The following ITPR1 variants were observed in gnomAD, a reference collection of about 807,000 sequenced individuals.
The protein encoded by ITPR1 is inositol 1,4,5-trisphosphate-gated calcium channel ITPR1.
Under a neutral mutation model 318.4 loss-of-function variants are expected in ITPR1, and 96 were observed. That is an observed-to-expected ratio of 0.30 (90% CI 0.26 to 0.36). ITPR1 has a LOEUF of 0.36. Among genes scored for constraint, ITPR1 ranks in the 10% least tolerant of loss-of-function variants. The pLI, the probability that ITPR1 is intolerant of heterozygous loss-of-function variation, is 1.00. For synonymous variants in ITPR1, 1,312 were observed against 1,289.9 expected, an observed-to-expected ratio of 1.02 and a Z score of -0.37; for missense variants, 2,440 against 3,460.2, an observed-to-expected ratio of 0.71 and a Z score of 7.40.
chr3:4,510,656 C>G (rs1366795486), intron 2 of ITPR1, among the ~76,000 whole-genome samples: 3 of 152,186 alleles, frequency 2.0e-5, no homozygotes, highest in African/African-American at 7.2e-5. Context: ...ACACAGATCT[C>G]TAGAATACAG....
rs574141682 is a variant in ITPR1 at position 4,672,701 on chromosome 3, A to G, written c.2205-435A>G. 7.9e-4 allele frequency among the ~76,000 whole-genome samples: 120 copies of G among 152,354 alleles called. No individual in the cohort carries two copies. In the Middle Eastern group the frequency reaches 0.01, roughly 13 times the overall value. ...CATGATATAAGATCTTTAAAATGTT[A>G]TAAAATTTCTAATTAGGCTGAATAT... On this transcript the variant is annotated intron_variant, in intron 20 of 61. Transcript: ENST00000649015.
intron 39 of ITPR1, among the ~76,000 whole-genome samples, chr3:4,714,682 T>G (rs1233930107): frequency 6.6e-6 from 1 of 152,208 alleles, no homozygotes; most frequent in Admixed American, 6.5e-5. Flanking sequence ...TAAGCGATAA[T>G]CCTTAAAGAT....
In ITPR1 at chr3:4,788,643, G is replaced by A. The variant is rs536207301; in HGVS notation, c.6808+504G>A. ...ATAAGGTGCATCATTGCTCACCAGC[G>A]AGTCCCATTGAGTATCCCAGCCAGT... On this transcript the variant is annotated intron_variant, in intron 52 of 61. Coordinates refer to ENST00000649015, the MANE Select transcript of ITPR1 (RefSeq NM_001378452.1). Among the ~76,000 whole-genome samples, 254 of 152,320 alleles carry A rather than the reference G, an allele frequency of 1.7e-3. 1 individual carries two copies. The highest frequency in any genetic ancestry group is 2.7e-3 in the Non-Finnish European group (183 of 68,022).
rs567890154 is a variant in ITPR1, at chr3:4,542,860, C to T, written c.163+21766C>T. On this transcript the variant is annotated intron_variant, in intron 4 of 61. Transcript: ENST00000649015. ...GACATACCTTCCAGGGGTCTTGTTT[C>T]CACTTCATTGCGGGCTTCTCTGGAT... 2.0e-5 allele frequency among the ~76,000 whole-genome samples: 3 copies of T among 152,188 alleles called. No homozygotes were observed. The South Asian group carries it at 6.2e-4, about 32-fold the overall frequency.
chr3:4,516,793 T>G (rs1238495241), intron 3 of ITPR1, among the ~76,000 whole-genome samples: 1 of 152,252 alleles, frequency 6.6e-6, no homozygotes, highest in African/African-American at 2.4e-5. Flanking sequence ...GAGCAAAACC[T>G]CATTATTTAG....
intron 52 of ITPR1, 25 bp downstream of exon 52, chr3:4,788,164 A>G: frequency 6.5e-7 from 1 of 1,545,812 alleles, no homozygotes; most frequent in East Asian, 2.3e-5. Flanking sequence ...ATCAGCAACA[A>G]CACAGAGAGA....
At chr3:4,618,526 T>C (rs977144614) in intron 4 of ITPR1, among the ~76,000 whole-genome samples, 1 of 152,248 alleles carries the variant, frequency 6.6e-6, no homozygotes, top group Non-Finnish European at 1.5e-5. Flanking sequence ...GTAAATATTG[T>C]TCGCTAATGA....
chr3:4,677,736 G>A (rs1361425116), intron 24 of ITPR1, among the ~76,000 whole-genome samples: 1 of 152,128 alleles, frequency 6.6e-6, no homozygotes, highest in Non-Finnish European at 1.5e-5. Context: ...TTTTTTAAGT[G>A]GGTGGGTTAT....
At chr3:4,533,224 A>G (rs1270986237) in intron 4 of ITPR1, among the ~76,000 whole-genome samples, 2 of 152,222 alleles carry the variant, frequency 1.3e-5, no homozygotes, top group African/African-American at 4.8e-5. Flanking sequence ...AAATGAACAA[A>G]TAGAAAAAAA....
At chr3:4,553,000 A>G (rs2085724147) in intron 4 of ITPR1, among the ~76,000 whole-genome samples, 1 of 152,116 alleles carries the variant, frequency 6.6e-6, no homozygotes, top group Admixed American at 6.6e-5. Context: ...TTTCTCGTTG[A>G]CCCCAGCATC....
intron 4 of ITPR1, among the ~76,000 whole-genome samples, chr3:4,560,258 T>A (rs898153180): frequency 1.3e-5 from 2 of 152,188 alleles, no homozygotes; most frequent in Non-Finnish European, 2.9e-5. Flanking sequence ...TGTAGGCTAC[T>A]TTTTCTTATA....
chr3:4,640,734 CT>C (rs2093318230), intron 6 of ITPR1, among the ~76,000 whole-genome samples: 1 of 152,212 alleles, frequency 6.6e-6, no homozygotes, highest in African/African-American at 2.4e-5. Context: ...GGCATCTGCT[CT>C]TTAGGATGGT....
chr3:4,755,430 G>T (rs867966714), intron 44 of ITPR1, among the ~76,000 whole-genome samples: 9 of 150,554 alleles, frequency 6.0e-5, no homozygotes, highest in African/African-American at 1.7e-4. Flanking sequence ...TTAGACATGG[G>T]GTCTTGCTAT....
intron 4 of ITPR1, among the ~76,000 whole-genome samples, chr3:4,529,553 T>A (rs1210899961): frequency 1.3e-5 from 2 of 152,232 alleles, no homozygotes; most frequent in African/African-American, 4.8e-5. Flanking sequence ...TTTTCCTTTC[T>A]TGTTTGACAT....
At position 4,686,127 on chromosome 3, in the gene ITPR1, G is replaced by A. The variant is rs375799715; in HGVS notation, c.3702+921G>A. On this transcript the variant is annotated intron_variant, in intron 30 of 61. Coordinates refer to ENST00000649015, the MANE Select transcript of ITPR1 (RefSeq NM_001378452.1). ...CTATCTTTAGCCCCATTTTAGATGA[G>A]AGAGCTGCAGCGGGAGAGGTTCAGT... Among the ~76,000 whole-genome samples, 53 of 152,296 alleles carry A rather than the reference G, an allele frequency of 3.5e-4. 2 individuals are homozygous for A. The East Asian group carries it at 4.4e-3, about 13-fold the overall frequency.
intron 46 of ITPR1, among the ~76,000 whole-genome samples, chr3:4,773,919 T>C (rs975933827): frequency 6.6e-6 from 1 of 152,212 alleles, no homozygotes; most frequent in Admixed American, 6.5e-5. Flanking sequence ...TGGTGATGAG[T>C]CAAGCACTGA....
intron 54 of ITPR1, among the ~76,000 whole-genome samples, chr3:4,802,040 C>T (rs777756173): frequency 3.3e-5 from 5 of 152,144 alleles, no homozygotes; most frequent in Non-Finnish European, 5.9e-5. Flanking sequence ...TCCCCCAGGT[C>T]AGCATTCCCA....
At position 4,622,315 on chromosome 3, in the gene ITPR1, A is replaced by G. The variant is rs569018919; in HGVS notation, c.164-5448A>G. ...TTTTTAGTAGAGATGGGGTTTCACC[A>G]TGTTGGCCAGGATGGTCTCGATCTC... On this transcript the variant is annotated intron_variant, in intron 4 of 61. Coordinates refer to ENST00000649015, the MANE Select transcript of ITPR1 (RefSeq NM_001378452.1). Among the ~76,000 whole-genome samples, 12 of 151,028 alleles carry G rather than the reference A, an allele frequency of 7.9e-5. No homozygotes were observed. In the South Asian group the frequency reaches 2.5e-3, roughly 32 times the overall value.
At chr3:4,630,284 T>A (rs2092972210) in intron 5 of ITPR1, among the ~76,000 whole-genome samples, 1 of 152,094 alleles carries the variant, frequency 6.6e-6, no homozygotes, top group South Asian at 2.1e-4. Flanking sequence ...AAGCATGTTA[T>A]CTGTGACGTG....
Sources: allele counts gnomAD v4.1 joint callset (sites outside exome capture counted in the v4.1 genomes callset), GRCh38; gene constraint gnomAD v4.1.1; transcripts MANE v1.5; gene names NCBI Gene and HGNC (gene_info 2026-07-23, HGNC 2026-07-21).